MDH1B: variants seen among roughly 807,000 people sequenced by gnomAD.
MDH1B encodes the protein putative malate dehydrogenase 1B.
Under a neutral mutation model 61.4 loss-of-function variants are expected in MDH1B, and 60 were observed. The observed-to-expected ratio is 0.98, with a 90% confidence interval of 0.79 to 1.21. The LOEUF is 1.21. Among genes scored for constraint, MDH1B ranks in the 50% most tolerant of loss-of-function variants. The pLI, the probability that MDH1B is intolerant of heterozygous loss-of-function variation, is 0.00. For missense variants in MDH1B, 587 were observed against 632.1 expected, an observed-to-expected ratio of 0.93 and a Z score of 0.76; for synonymous variants, 236 against 218.7, an observed-to-expected ratio of 1.08 and a Z score of -0.70.
intron 7 of MDH1B, among the ~76,000 whole-genome samples, chr2:206,748,251 C>A (rs544056592): frequency 2.0e-4 from 31 of 152,094 alleles, no homozygotes; most frequent in Non-Finnish European, 4.6e-4. Context: ...TAGTGGCATG[C>A]GCCTGTGGTC....
intron 9 of MDH1B, among the ~76,000 whole-genome samples, chr2:206,744,184 T>C (rs1260786016): frequency 6.6e-6 from 1 of 152,242 alleles, no homozygotes; most frequent in Non-Finnish European, 1.5e-5. Context: ...TCCGCAGGCA[T>C]GAGCTCTGAC....
At chr2:206,751,584 C>G (rs1688448657) in intron 5 of MDH1B, among the ~76,000 whole-genome samples, 1 of 152,156 alleles carries the variant, frequency 6.6e-6, no homozygotes, top group Non-Finnish European at 1.5e-5. Flanking sequence ...GGACCCTGGG[C>G]AACATCTTAG....
chr2:206,742,856 T>C (rs1199416713), intron 9 of MDH1B, among the ~76,000 whole-genome samples: 3 of 151,692 alleles, frequency 2.0e-5, no homozygotes, highest in Non-Finnish European at 4.4e-5. Context: ...GGACTACAGG[T>C]GCCTGCCACC....
intron 1 of MDH1B, 88 bp downstream of exon 1, chr2:206,765,162 T>C: frequency 6.6e-7 from 1 of 1,514,182 alleles, no homozygotes; most frequent in Non-Finnish European, 9.0e-7. Context: ...GAGCGGTCCG[T>C]ATAGAGGCTG....
At chr2:206,754,860 C>G (rs1688662837) in intron 5 of MDH1B, 149 bp downstream of exon 5, 5 of 867,848 alleles carry the variant, frequency 5.8e-6, no homozygotes, top group Middle Eastern at 3.7e-4. Flanking sequence ...GCACAGTAGT[C>G]AAATCACACA....
rs1360859496 is a variant in MDH1B at position 206,739,637 on chromosome 2, G to A, written c.1484C>T (p.Pro495Leu). 1.9e-6 allele frequency: 3 copies of A among 1,614,028 alleles called. No homozygotes were observed. The highest frequency in any genetic ancestry group is 2.2e-5 in the East Asian group (1 of 44,866). ...SDAAEFPNQI[P>L]QTTFEKPQSL... ...CTGTGGCTTTTCAAAGGTGGTTTGA[G>A]GAATCTGATTTGGAAACTCTGCTGC... The change falls in exon 11 of 12, where the codon CCT becomes CTT. Residue 495 changes from proline (P) to leucine (L), a missense_variant. Coordinates refer to ENST00000374412, the MANE Select transcript of MDH1B (RefSeq NM_001039845.3).
chr2:206,741,161 T>C lies in MDH1B; in HGVS notation c.1409-57A>G. 18 of 1,604,424 alleles carry C rather than the reference T, an allele frequency of 1.1e-5. No homozygotes were observed. In the South Asian group the frequency reaches 2.0e-4, roughly 18 times the overall value. On this transcript the variant is annotated intron_variant, in intron 9 of 11. Coordinates refer to ENST00000374412, the MANE Select transcript of MDH1B (RefSeq NM_001039845.3). ...TTTAGAATATAACCAACAACCTAAC[T>C]AGGTCATGAGATGTTCTGAGTCAAT...
chr2:206,753,031 G>T (rs1688543942), intron 5 of MDH1B, among the ~76,000 whole-genome samples: 1 of 152,068 alleles, frequency 6.6e-6, no homozygotes, highest in Non-Finnish European at 1.5e-5. Context: ...AAACAATTGG[G>T]AAAGAAAGCC....
In MDH1B at chr2:206,739,568, AGTTAAT is replaced by A; in HGVS notation, c.1528+19_1528+24del. Reference sequence around the variant, plus strand: ...TCCACTTGTAGAATAAGAAAATACTAGTTAATGTTTTGTCTACCACCTACCATTTAG... The same window carrying A: ...TCCACTTGTAGAATAAGAAAATACTAGTTTTGTCTACCACCTACCATTTAG... On this transcript the variant is annotated intron_variant, in intron 11 of 11. Coordinates refer to ENST00000374412, the MANE Select transcript of MDH1B (RefSeq NM_001039845.3). The A allele has an allele frequency of 6.3e-7, 1 of 1,596,246 alleles. No individual in the cohort carries two copies. Among genetic ancestry groups the A allele is most frequent in the Non-Finnish European group, 8.6e-7 (1 of 1,163,964 alleles).
chr2:206,763,794 G>T (rs6435349), intron 1 of MDH1B, among the ~76,000 whole-genome samples: 2,443 of 152,108 alleles, frequency 0.016, 73 homozygotes, highest in African/African-American at 0.055. Context: ...TGCCTAAATT[G>T]CTCCCCTCCT....
intron 5 of MDH1B, among the ~76,000 whole-genome samples, chr2:206,754,795 G>T (rs1390101571): frequency 6.6e-6 from 1 of 151,994 alleles, no homozygotes; most frequent in South Asian, 2.1e-4. Context: ...AATATTTATT[G>T]ATTTTTATAA....
At position 206,745,653 on chromosome 2, in the gene MDH1B, T is replaced by A. The variant is rs1374034570; in HGVS notation, c.1377A>T (p.Gly459=). 4 of 1,611,948 alleles carry A rather than the reference T, an allele frequency of 2.5e-6. No individual in the cohort carries two copies. In the South Asian group the frequency reaches 4.4e-5, roughly 18 times the overall value. Residue 459 remains glycine (G), a synonymous_variant, in exon 9 of 12, where the codon GGA becomes GGT. Coordinates refer to ENST00000374412, the MANE Select transcript of MDH1B (RefSeq NM_001039845.3). ...DLIQEKLVAL[G]DKIHFQPYQS... The stretch of plus-strand genomic sequence containing the variant: ...GGTATGGCTGAAAATGTATCTTGTC[T>A]CCAAGTGCAACAAGTTTCTCCTGTT...
intron 1 of MDH1B, among the ~76,000 whole-genome samples, chr2:206,762,963 T>G (rs961704299): frequency 6.6e-6 from 1 of 152,176 alleles, no homozygotes; most frequent in Non-Finnish European, 1.5e-5. Context: ...AAGCATCTTG[T>G]CTTTATAACT....
intron 4 of MDH1B, among the ~76,000 whole-genome samples, chr2:206,756,309 A>T (rs985496938): frequency 6.6e-6 from 1 of 152,188 alleles, no homozygotes; most frequent in Non-Finnish European, 1.5e-5. Context: ...ATGAGTATAT[A>T]TTAGGATACA....
chr2:206,761,633 T>C (rs997193072), intron 1 of MDH1B, among the ~76,000 whole-genome samples: 2 of 151,836 alleles, frequency 1.3e-5, no homozygotes, highest in African/African-American at 4.9e-5. Context: ...TGTACATGTA[T>C]ATGTATATGT....
intron 9 of MDH1B, among the ~76,000 whole-genome samples, chr2:206,744,978 C>T (rs542095645): frequency 6.8e-4 from 103 of 151,304 alleles, no homozygotes; most frequent in Middle Eastern, 6.9e-3. Flanking sequence ...GAAGTCCTAA[C>T]GCCTGGTACC....
At chr2:206,760,459 C>G (rs1689025332) in intron 2 of MDH1B, among the ~76,000 whole-genome samples, 1 of 152,168 alleles carries the variant, frequency 6.6e-6, no homozygotes, top group Non-Finnish European at 1.5e-5. Flanking sequence ...TTACCCAATC[C>G]TGCCACCCTC....
chr2:206,765,275 CGA>C lies in MDH1B; in HGVS notation c.-6_-5del, dbSNP rs774795887. ...CCGCGATGACGAATTTGGCCATGGTCGAGAGAGACTCAGAGGCAGGGACCGCG... is the reference window on the plus strand; with the variant it reads ...CCGCGATGACGAATTTGGCCATGGTCGAGAGACTCAGAGGCAGGGACCGCG... On this transcript the variant is annotated 5_prime_UTR_variant, in exon 1 of 12. Coordinates refer to ENST00000374412, the MANE Select transcript of MDH1B (RefSeq NM_001039845.3). 6.2e-6 allele frequency: 10 copies of C among 1,601,166 alleles called. No homozygotes were observed. Among genetic ancestry groups the C allele is most frequent in the Non-Finnish European group, 8.5e-6 (10 of 1,175,948 alleles).
intron 5 of MDH1B, among the ~76,000 whole-genome samples, chr2:206,751,553 C>T (rs944683115): frequency 6.6e-6 from 1 of 152,092 alleles, no homozygotes; most frequent in African/African-American, 2.4e-5. Flanking sequence ...TCATCTCTGG[C>T]AAAATGAGGA....
Sources: gnomAD v4.1 joint callset for allele counts (sites outside exome capture counted in the v4.1 genomes callset) on GRCh38, gnomAD v4.1.1 for gene constraint, MANE v1.5 for transcripts, NCBI Gene and HGNC (gene_info 2026-07-23, HGNC 2026-07-21) for gene names.